The following IPO11 variants were observed in gnomAD, a reference collection of about 807,000 sequenced individuals.
The protein encoded by IPO11 is importin-11.
Under a neutral mutation model 143.2 loss-of-function variants are expected in IPO11, and 66 were observed. The observed-to-expected ratio is 0.46, with a 90% CI of 0.38 to 0.57. IPO11 has a LOEUF of 0.57. Among genes scored for constraint, IPO11 ranks in the 20% least tolerant of loss-of-function variants. IPO11 has a pLI of 0.00. For synonymous variants in IPO11, 385 were observed against 377.8 expected, an observed-to-expected ratio of 1.02 and a Z score of -0.22; for missense variants, 1,026 against 1,141.0, an observed-to-expected ratio of 0.90 and a Z score of 1.45.
At position 62,510,005 on chromosome 5, in the gene IPO11, T is replaced by A. The variant is rs116454059; in HGVS notation, c.1782+3648T>A. ...TCCATAGTGGCTGTAACATTTTACA[T>A]TCCTAGCAACAGTGTACAAAGATAC... On this transcript the variant is annotated intron_variant, in intron 19 of 29. Coordinates refer to ENST00000325324, the MANE Select transcript of IPO11 (RefSeq NM_016338.5). Among the ~76,000 whole-genome samples, 642 of 152,338 alleles carry A rather than the reference T, an allele frequency of 4.2e-3. 2 individuals carry two copies. Among genetic ancestry groups the A allele is most frequent in the African/African-American group, 0.015 (616 of 41,574 alleles).
intron 9 of IPO11, among the ~76,000 whole-genome samples, chr5:62,480,603 T>A (rs957004213): frequency 6.6e-6 from 1 of 152,210 alleles, no homozygotes; most frequent in Non-Finnish European, 1.5e-5. Flanking sequence ...GTTTGTGTCC[T>A]CTTATTTTGT....
intron 29 of IPO11, among the ~76,000 whole-genome samples, chr5:62,604,675 G>A (rs1238102411): frequency 6.6e-6 from 1 of 151,946 alleles, no homozygotes; most frequent in African/African-American, 2.4e-5. Context: ...TTAAGTGGCC[G>A]ATTTTAAGTT....
At chr5:62,495,417 G>T (rs896563326) in intron 16 of IPO11, among the ~76,000 whole-genome samples, 2 of 152,126 alleles carry the variant, frequency 1.3e-5, no homozygotes, top group African/African-American at 4.8e-5. Flanking sequence ...GTTACAAAAG[G>T]GTTAAATTTC....
chr5:62,507,719 C>CT lies in IPO11; in HGVS notation c.1782+1370dup, dbSNP rs535239961. 4.8e-3 allele frequency among the ~76,000 whole-genome samples: 730 copies of CT among 152,130 alleles called. 4 individuals are homozygous for CT. Among genetic ancestry groups the CT allele is most frequent in the African/African-American group, 0.017 (696 of 41,540 alleles). The stretch of plus-strand genomic sequence containing the variant: ...GCAGATGGAAATTTCTTAGATAAAA[C>CT]TTTTTTTTAAATAGAAATGGGTCTT... On this transcript the variant is annotated intron_variant, in intron 19 of 29. Transcript: ENST00000325324.
chr5:62,582,448 A>T (rs1340356630), intron 27 of IPO11, among the ~76,000 whole-genome samples: 1 of 152,192 alleles, frequency 6.6e-6, no homozygotes, highest in Non-Finnish European at 1.5e-5. Flanking sequence ...GGGGCAAAAT[A>T]ATGAGTCAGT....
chr5:62,438,688 G>A (rs180872956), intron 2 of IPO11, among the ~76,000 whole-genome samples: 1 of 151,094 alleles, frequency 6.6e-6, no homozygotes, highest in Non-Finnish European at 1.5e-5. Flanking sequence ...GGAGGCGGAG[G>A]TTGCAGTGAG....
chr5:62,566,778 A>C, intron 27 of IPO11, among the ~76,000 whole-genome samples: 1 of 152,090 alleles, frequency 6.6e-6, no homozygotes. Flanking sequence ...ATTCATAAAG[A>C]TATGAGTGAT....
intron 27 of IPO11, among the ~76,000 whole-genome samples, chr5:62,569,060 T>C (rs935827202): frequency 1.3e-5 from 2 of 152,168 alleles, no homozygotes; most frequent in African/African-American, 4.8e-5. Flanking sequence ...CACTTTTCTC[T>C]TCCCTCATAT....
intron 19 of IPO11, among the ~76,000 whole-genome samples, chr5:62,508,619 CGTCT>C (rs1741645093): frequency 6.6e-6 from 1 of 150,786 alleles, no homozygotes; most frequent in Admixed American, 6.6e-5. Context: ...TCCCTCCCTC[CGTCT>C]CTCTCTCTTT....
At chr5:62,442,087 G>A (rs1389397327) in intron 2 of IPO11, among the ~76,000 whole-genome samples, 10 of 151,668 alleles carry the variant, frequency 6.6e-5, no homozygotes, top group African/African-American at 1.7e-4. Flanking sequence ...CTCGTGATTC[G>A]CCTGCCTCGA....
intron 17 of IPO11, 66 bp from the exon 18 acceptor site, chr5:62,504,792 T>A (rs1741487346): frequency 7.5e-7 from 1 of 1,325,282 alleles, no homozygotes; most frequent in South Asian, 1.4e-5. Flanking sequence ...TATGTATACT[T>A]GTTTTAGATA....
Position 62,627,243 on chromosome 5 carries a change from A to C in IPO11, c.2853A>C (p.Gln951His), listed in dbSNP as rs201600288. Reference protein sequence around the residue: ...LKAQQEMLGEQGFQSLMETVD... With the variant: ...LKAQQEMLGEHGFQSLMETVD... ...CACAGCAGGAGATGCTAGGAGAACA[A>C]GGTTTCCAGTCCCTCATGGAAACAG... Residue 951 changes from glutamine to histidine, a missense_variant, in exon 30 of 30, where the codon CAA becomes CAC. Physicochemically the swap from Gln to His is conservative, Grantham distance 24 (BLOSUM62 0). Around this residue, in one of 5 missense-constraint regions of IPO11, gnomAD observed 351 missense variants for 358.9 expected, o/e 0.98. Coordinates refer to ENST00000325324, the MANE Select transcript of IPO11 (RefSeq NM_016338.5). 5.0e-6 allele frequency: 8 copies of C among 1,614,028 alleles called. No homozygotes were observed. Among genetic ancestry groups the C allele is most frequent in the South Asian group, 1.1e-5 (1 of 91,074 alleles).
chr5:62,525,487 G>A (rs977188030), intron 20 of IPO11, among the ~76,000 whole-genome samples: 1 of 151,874 alleles, frequency 6.6e-6, no homozygotes, highest in Non-Finnish European at 1.5e-5. Flanking sequence ...GGGCTCCAGC[G>A]ATCCTCCTGC....
At chr5:62,493,436 T>G (rs1162517194) in intron 15 of IPO11, among the ~76,000 whole-genome samples, 9 of 152,186 alleles carry the variant, frequency 5.9e-5, no homozygotes, top group African/African-American at 2.2e-4. Context: ...TTGCGGTTCT[T>G]TAAGATAAAA....
intron 1 of IPO11, chr5:62,418,939 A>G (rs1173545331): frequency 2.7e-6 from 4 of 1,498,726 alleles, no homozygotes; most frequent in African/African-American, 1.4e-5. Flanking sequence ...GAGTTGCTTA[A>G]GGCTGGGATA....
intron 3 of IPO11, among the ~76,000 whole-genome samples, chr5:62,448,175 GT>G (rs777217925): frequency 9.1e-4 from 134 of 147,994 alleles, no homozygotes; most frequent in African/African-American, 3.0e-3. Flanking sequence ...TATTTAGTAT[GT>G]TTTTTTTTTC....
chr5:62,624,149 C>G (rs1483933164), intron 29 of IPO11, among the ~76,000 whole-genome samples: 3 of 152,104 alleles, frequency 2.0e-5, no homozygotes, highest in Non-Finnish European at 4.4e-5. Flanking sequence ...ATTCTCCTGC[C>G]TCAGTCTCCC....
At chr5:62,545,480 T>G (rs1420163820) in intron 24 of IPO11, among the ~76,000 whole-genome samples, 1 of 152,186 alleles carries the variant, frequency 6.6e-6, no homozygotes, top group Non-Finnish European at 1.5e-5. Context: ...GTGTTAGACC[T>G]AAAACCATAA....
intron 9 of IPO11, among the ~76,000 whole-genome samples, chr5:62,480,936 G>GA (rs1746179326): frequency 1.1e-5 from 1 of 87,848 alleles, no homozygotes; most frequent in Admixed American, 1.6e-4. Flanking sequence ...TTTTTTTGGA[G>GA]ACAGAGTCTT....
Sources: allele counts gnomAD v4.1 joint callset (sites outside exome capture counted in the v4.1 genomes callset), GRCh38; gene constraint gnomAD v4.1.1; regional missense constraint gnomAD v4.1.1; transcripts MANE v1.5; gene names NCBI Gene and HGNC (gene_info 2026-07-23, HGNC 2026-07-21).